The following VKORC1L1 variants were observed in gnomAD, a reference collection of about 807,000 sequenced individuals.
The protein encoded by VKORC1L1 is vitamin K epoxide reductase complex subunit 1-like protein 1.
Under a neutral mutation model 18.9 loss-of-function variants are expected in VKORC1L1, and 2 were observed. The observed-to-expected ratio is 0.11, with a 90% CI of 0.04 to 0.33. The LOEUF (loss-of-function observed/expected upper bound fraction) is 0.33, where lower values mean the gene tolerates loss of function less well. Among genes scored for constraint, VKORC1L1 ranks in the 10% least tolerant of loss-of-function variants. The pLI, the probability that VKORC1L1 is intolerant of heterozygous loss-of-function variation, is 1.00. For missense variants in VKORC1L1, 123 were observed against 224.1 expected, an observed-to-expected ratio of 0.55 and a Z score of 2.88; for synonymous variants, 96 against 100.0, an observed-to-expected ratio of 0.96 and a Z score of 0.24.
Position 65,930,801 on chromosome 7 carries a change from T to C in VKORC1L1, c.195-17870T>C, listed in dbSNP as rs192765306. On this transcript the variant is annotated intron_variant, in intron 1 of 2. Coordinates refer to ENST00000360768, the MANE Select transcript of VKORC1L1 (RefSeq NM_173517.6). ...GGTGAGAGCAGACATCCTTGCCTTCTTCCTATCTTAGGGAGAAAGAATTTC... is the reference window on the plus strand; with the variant it reads ...GGTGAGAGCAGACATCCTTGCCTTCCTCCTATCTTAGGGAGAAAGAATTTC... Among the ~76,000 whole-genome samples, 168 of 152,314 alleles carry C rather than the reference T, an allele frequency of 1.1e-3. 1 individual carries two copies. The highest frequency in any genetic ancestry group is 3.9e-3 in the African/African-American group (162 of 41,574).
At chr7:65,925,435 T>C (rs1349020078) in intron 1 of VKORC1L1, among the ~76,000 whole-genome samples, 3 of 152,354 alleles carry the variant, frequency 2.0e-5, no homozygotes, top group Admixed American at 2.0e-4. Flanking sequence ...ATCTGTGTTG[T>C]ATACCAATGC....
At chr7:65,898,870 A>G (rs1789262451) in intron 1 of VKORC1L1, among the ~76,000 whole-genome samples, 1 of 152,146 alleles carries the variant, frequency 6.6e-6, no homozygotes, top group African/African-American at 2.4e-5. Flanking sequence ...TTCTGTTTCT[A>G]TGAATTTGAC....
chr7:65,896,063 CTT>C (rs757411300), intron 1 of VKORC1L1, among the ~76,000 whole-genome samples: 54 of 136,098 alleles, frequency 4.0e-4, no homozygotes, highest in Non-Finnish European at 3.9e-4. Context: ...ACTCGGCCAA[CTT>C]TTTTTTTTTT....
intron 1 of VKORC1L1, among the ~76,000 whole-genome samples, chr7:65,909,211 T>A (rs1281778016): frequency 1.4e-5 from 2 of 147,362 alleles, no homozygotes; most frequent in Non-Finnish European, 3.0e-5. Context: ...CTCAAACTCC[T>A]CACCTCAAGC....
At chr7:65,897,223 C>T (rs1220530237) in intron 1 of VKORC1L1, among the ~76,000 whole-genome samples, 1 of 152,130 alleles carries the variant, frequency 6.6e-6, no homozygotes, top group East Asian at 1.9e-4. Context: ...ACAAGTGGCT[C>T]CTAAATGTAT....
At chr7:65,931,802 C>G (rs533505474) in intron 1 of VKORC1L1, among the ~76,000 whole-genome samples, 2 of 151,940 alleles carry the variant, frequency 1.3e-5, no homozygotes, top group Non-Finnish European at 2.9e-5. Flanking sequence ...CCACCATGCC[C>G]GGCTACTTTT....
At position 65,931,425 on chromosome 7, in the gene VKORC1L1, C is replaced by T. The variant is rs79114114; in HGVS notation, c.195-17246C>T. 6.7e-3 allele frequency among the ~76,000 whole-genome samples: 1,021 copies of T among 152,134 alleles called. 8 individuals carry two copies. The highest frequency in any genetic ancestry group is 0.011 in the Non-Finnish European group (723 of 67,988). On this transcript the variant is annotated intron_variant, in intron 1 of 2. Transcript: ENST00000360768. ...ATAGGAATATTCAGATTCTGTATTT[C>T]TTGAGTGAGTTTTGATATTTGTGAA...
At chr7:65,923,432 G>C (rs1789711480) in intron 1 of VKORC1L1, among the ~76,000 whole-genome samples, 1 of 152,066 alleles carries the variant, frequency 6.6e-6, no homozygotes, top group African/African-American at 2.4e-5. Context: ...ATAGTAATTG[G>C]GGAGGAGAGA....
rs559596414 is a variant in VKORC1L1 at position 65,959,526 on chromosome 7, T to C, written c.*5226T>C. Reference sequence around the variant, plus strand: ...ACTGACTACACTCATTTTTAAAAAATGGACGATGCCTAATAAAACCACATG... The same window carrying C: ...ACTGACTACACTCATTTTTAAAAAACGGACGATGCCTAATAAAACCACATG... On this transcript the variant is annotated 3_prime_UTR_variant, in exon 3 of 3. Transcript: ENST00000360768. 1.1e-4 allele frequency: 17 copies of C among 152,236 alleles called. No homozygotes were observed. Among genetic ancestry groups the C allele is most frequent in the Admixed American group, 2.6e-4 (4 of 15,290 alleles). 9.4% of individuals were successfully genotyped at this position (152,236 alleles called of 1,614,324 possible).
intron 1 of VKORC1L1, among the ~76,000 whole-genome samples, chr7:65,916,035 C>T (rs1242549500): frequency 1.3e-5 from 2 of 151,160 alleles, no homozygotes; most frequent in Non-Finnish European, 2.9e-5. Flanking sequence ...CGCTTGAACC[C>T]AGGAGGCGGA....
At chr7:65,902,427 G>A (rs1198996992) in intron 1 of VKORC1L1, among the ~76,000 whole-genome samples, 2 of 152,102 alleles carry the variant, frequency 1.3e-5, no homozygotes. Context: ...CTTGAAGACA[G>A]CAATAGAAAC....
chr7:65,942,491 C>CAAAAA (rs764138467), intron 1 of VKORC1L1, among the ~76,000 whole-genome samples: 15 of 75,544 alleles, frequency 2.0e-4, no homozygotes, highest in Middle Eastern at 6.9e-3. Flanking sequence ...GACTCCATCT[C>CAAAAA]AAAAAAAAAA....
chr7:65,873,175 G>C lies in VKORC1L1; in HGVS notation c.-197G>C. 3 of 638,694 alleles carry C rather than the reference G, an allele frequency of 4.7e-6. No homozygotes were observed. Among genetic ancestry groups the C allele is most frequent in the Non-Finnish European group, 5.8e-6 (3 of 514,158 alleles). The allele number at this position is 638,694 out of a possible 1,614,324, so 39.6% of individuals were successfully genotyped here. ...CCGCCCCGTCCGCCTCACTCCTTTT[G>C]GGGCGGTTGGGCCGCGCGCCTGTGG... On this transcript the variant is annotated 5_prime_UTR_variant, in exon 1 of 3. Transcript: ENST00000360768.
chr7:65,866,113 C>CA, the VKORC1L1 span, among the ~76,000 whole-genome samples: 7 of 149,558 alleles, frequency 4.7e-5, no homozygotes, highest in South Asian at 2.1e-4. Context: ...GACTCCGTCT[C>CA]AAAAAAAAAA....
At position 65,939,828 on chromosome 7, in the gene VKORC1L1, G is replaced by A. The variant is rs74803827; in HGVS notation, c.195-8843G>A. Among the ~76,000 whole-genome samples, 738 of 152,238 alleles carry A rather than the reference G, an allele frequency of 4.8e-3. 8 individuals carry two copies. Among genetic ancestry groups the A allele is most frequent in the African/African-American group, 0.016 (646 of 41,540 alleles). On this transcript the variant is annotated intron_variant, in intron 1 of 2. Transcript: ENST00000360768. Reference sequence around the variant, plus strand: ...CTTCAGACAATACTCATGTGTATGGGCAAAAGACTCGGGGGCTGTAATTGT... The same window carrying A: ...CTTCAGACAATACTCATGTGTATGGACAAAAGACTCGGGGGCTGTAATTGT...
chr7:65,874,081 T>G (rs1211485353), intron 1 of VKORC1L1, among the ~76,000 whole-genome samples: 1 of 152,190 alleles, frequency 6.6e-6, no homozygotes, highest in Non-Finnish European at 1.5e-5. Context: ...TTCCTGGTGC[T>G]AGGACAGGTG....
At chr7:65,944,209 A>G (rs1462957958) in intron 1 of VKORC1L1, among the ~76,000 whole-genome samples, 3 of 151,916 alleles carry the variant, frequency 2.0e-5, no homozygotes, top group African/African-American at 4.8e-5. Context: ...TCTACCAAAA[A>G]TAAAAAAAAT....
At chr7:65,924,660 A>C (rs1040458869) in intron 1 of VKORC1L1, among the ~76,000 whole-genome samples, 1 of 152,332 alleles carries the variant, frequency 6.6e-6, no homozygotes, top group Non-Finnish European at 1.5e-5. Flanking sequence ...GGTATTCCTC[A>C]CTGGAACCAC....
rs1454999382 is a variant in VKORC1L1, at chr7:65,959,485, T to TA, written c.*5186dup. The TA allele has an allele frequency of 1.3e-5, 2 of 152,270 alleles. No individual in the cohort carries two copies. Among genetic ancestry groups the TA allele is most frequent in the African/African-American group, 4.8e-5 (2 of 41,474 alleles). The allele number at this position is 152,270 out of a possible 1,614,324, so 9.4% of individuals were successfully genotyped here. A position where few individuals can be genotyped will look rare whatever the true frequency, so the allele number is the denominator to read the frequency against. ...GTTGATAAAAAAAATACAGAAGCTCTAGATTCCTAATTGGAACTGACTACA... is the reference window on the plus strand; with the variant it reads ...GTTGATAAAAAAAATACAGAAGCTCTAAGATTCCTAATTGGAACTGACTACA... On this transcript the variant is annotated 3_prime_UTR_variant, in exon 3 of 3. Coordinates refer to ENST00000360768, the MANE Select transcript of VKORC1L1 (RefSeq NM_173517.6).
Sources: allele counts gnomAD v4.1 joint callset (sites outside exome capture counted in the v4.1 genomes callset), GRCh38; gene constraint gnomAD v4.1.1; transcripts MANE v1.5; gene names NCBI Gene and HGNC (gene_info 2026-07-23, HGNC 2026-07-21).